Variants in IL7 observed in about 807,000 individuals in gnomAD.
IL7 encodes the protein interleukin-7.
Under a neutral mutation model 21.6 loss-of-function variants are expected in IL7, and 3 were observed. The ratio of observed to expected loss-of-function variants is 0.14; its 90% CI spans 0.06 to 0.36. The LOEUF (loss-of-function observed/expected upper bound fraction) is 0.36, where lower values mean the gene tolerates loss of function less well. Ranked by LOEUF, IL7 falls within the 10% of genes least tolerant of loss-of-function variation. The pLI, the probability that IL7 is intolerant of heterozygous loss-of-function variation, is 1.00. For synonymous variants in IL7, 62 were observed against 68.1 expected (o/e 0.91, Z 0.44); for missense variants, 175 against 200.2 (o/e 0.87, Z 0.76).
intron 2 of IL7, among the ~76,000 whole-genome samples, chr8:78,747,994 T>C (rs1376826553): frequency 6.6e-6 from 1 of 152,150 alleles, no homozygotes; most frequent in African/African-American, 2.4e-5. Flanking sequence ...ATAGTATAGG[T>C]GACTACTTTG....
intron 2 of IL7, among the ~76,000 whole-genome samples, chr8:78,752,751 C>G (rs953772728): frequency 6.6e-6 from 1 of 152,118 alleles, no homozygotes; most frequent in Non-Finnish European, 1.5e-5. Context: ...CCTTGTCCCC[C>G]ACCCTGCGAC....
intron 4 of IL7, among the ~76,000 whole-genome samples, chr8:78,682,851 T>C (rs1809833131): frequency 6.6e-6 from 1 of 152,098 alleles, no homozygotes; most frequent in Non-Finnish European, 1.5e-5. Flanking sequence ...CTAGATACAA[T>C]AGGGATACAG....
chr8:78,711,527 A>T (rs1810949399), intron 3 of IL7, among the ~76,000 whole-genome samples: 1 of 152,108 alleles, frequency 6.6e-6, no homozygotes. Flanking sequence ...TTAGAAAGTC[A>T]AATGGAGTAC....
rs1040362528 is a variant in IL7 at position 78,700,213 on chromosome 8, A to T, written n.215-14266T>A. Among the ~76,000 whole-genome samples, 4 of 152,266 alleles carry T rather than the reference A, an allele frequency of 2.6e-5. No homozygotes were observed. The East Asian group carries it at 5.8e-4, about 22-fold the overall frequency. On this transcript the variant is annotated intron_variant and non_coding_transcript_variant, in intron 3 of 4. Transcript: ENST00000523959. ...GGTTTTGATTTGCGTTTCTCTAATGATCAGTGATGTTGAGCTTTTTTTCAT... is the reference window on the plus strand; with the variant it reads ...GGTTTTGATTTGCGTTTCTCTAATGTTCAGTGATGTTGAGCTTTTTTTCAT...
rs114005149 is a variant in IL7, at chr8:78,682,423, G to A, written n.273+3466C>T. On this transcript the variant is annotated intron_variant and non_coding_transcript_variant, in intron 4 of 4. Transcript: ENST00000523959. ...AGGAGGCCTCACATCATGGTGGAAG[G>A]TGAAGAAGGAACAAAGTCACATCTT... Among the ~76,000 whole-genome samples the A allele has an allele frequency of 8.7e-3, 1,324 of 152,256 alleles. 17 individuals are homozygous for A. Among genetic ancestry groups the A allele is most frequent in the African/African-American group, 0.031 (1,267 of 41,494 alleles).
intron 2 of IL7, among the ~76,000 whole-genome samples, chr8:78,796,307 A>G (rs1174085968): frequency 6.6e-6 from 1 of 152,022 alleles, no homozygotes; most frequent in East Asian, 1.9e-4. Flanking sequence ...AATTAGAAAC[A>G]CACCATTTAA....
intron 2 of IL7, among the ~76,000 whole-genome samples, chr8:78,796,270 T>C (rs1280520213): frequency 6.6e-6 from 1 of 151,978 alleles, no homozygotes; most frequent in Non-Finnish European, 1.5e-5. Flanking sequence ...CTTTCCTATG[T>C]ACCAGCAATA....
At chr8:78,716,386 G>T (rs1439348888), downstream of IL7, among the ~76,000 whole-genome samples, 4 of 152,144 alleles carry the variant, frequency 2.6e-5, no homozygotes, top group Admixed American at 2.6e-4. Flanking sequence ...GCCTCCCAAA[G>T]TGCTGGGATT....
At chr8:78,735,338 A>T (rs1337611095) in intron 5 of IL7, among the ~76,000 whole-genome samples, 4 of 113,886 alleles carry the variant, frequency 3.5e-5, no homozygotes, top group Admixed American at 1.2e-4. Flanking sequence ...TTTGAGACGG[A>T]GTCCCACTCT....
intron 2 of IL7, chr8:78,760,875 G>A (rs1427806558): frequency 1.9e-6 from 3 of 1,563,688 alleles, no homozygotes; most frequent in Non-Finnish European, 1.7e-6. Flanking sequence ...AGTGAATGCA[G>A]TACTGCAGTC....
Position 78,686,521 on chromosome 8 carries a change from G to A in IL7, n.215-574C>T, listed in dbSNP as rs780566556. 4 of 1,550,400 alleles carry A rather than the reference G, an allele frequency of 2.6e-6. No homozygotes were observed. In the South Asian group the frequency reaches 3.9e-5, roughly 15 times the overall value. On this transcript the variant is annotated intron_variant and non_coding_transcript_variant, in intron 3 of 4. Transcript: ENST00000523959. ...GAGAAGGAAACATGAAGAATTCATT[G>A]CTACCATAAGAGCAGCTAAAGGCCT...
At chr8:78,686,527 A>G (rs1472138074) in intron 3 of IL7, 4 of 1,556,174 alleles carry the variant, frequency 2.6e-6, no homozygotes, top group East Asian at 2.4e-5. Context: ...CATTGCTACC[A>G]TAAGAGCAGC....
At chr8:78,741,400 A>G (rs1811774134) in intron 2 of IL7, among the ~76,000 whole-genome samples, 1 of 152,160 alleles carries the variant, frequency 6.6e-6, no homozygotes, top group African/African-American at 2.4e-5. Context: ...TAACTCATAC[A>G]TAATTTTTTC....
At chr8:78,698,378 A>T in intron 3 of IL7, 3 of 1,522,878 alleles carry the variant, frequency 2.0e-6, no homozygotes, top group Non-Finnish European at 2.7e-6. Flanking sequence ...AACCTTTTTT[A>T]GAGTATTGTT....
At chr8:78,712,449 A>G (rs1342968932) in intron 3 of IL7, among the ~76,000 whole-genome samples, 2 of 152,116 alleles carry the variant, frequency 1.3e-5, no homozygotes. Context: ...AGAGTTTGAG[A>G]AAAATAATGT....
At chr8:78,735,636 T>A (rs1348068024) in intron 5 of IL7, among the ~76,000 whole-genome samples, 24 of 152,110 alleles carry the variant, frequency 1.6e-4, no homozygotes, top group Admixed American at 1.4e-3. Flanking sequence ...CAAATTCTCT[T>A]AGTGAAAAGC....
At chr8:78,740,195 G>A in intron 2 of IL7, 113 bp from the exon 3 acceptor site, 1 of 629,718 alleles carries the variant, frequency 1.6e-6, no homozygotes, top group Non-Finnish European at 2.2e-6. Flanking sequence ...GCATTTTAAG[G>A]AAAATAAGTT....
intron 2 of IL7, among the ~76,000 whole-genome samples, chr8:78,763,095 G>A (rs1483696561): frequency 6.6e-6 from 1 of 152,164 alleles, no homozygotes; most frequent in Non-Finnish European, 1.5e-5. Flanking sequence ...AAATTATGGT[G>A]AGGTGCACCT....
At chr8:78,767,101 C>T (rs1812779000) in intron 2 of IL7, among the ~76,000 whole-genome samples, 1 of 151,958 alleles carries the variant, frequency 6.6e-6, no homozygotes, top group Non-Finnish European at 1.5e-5. Flanking sequence ...TTCTTATCCA[C>T]TTTCTTATAA....
Sources: gnomAD v4.1 joint callset for allele counts (sites outside exome capture counted in the v4.1 genomes callset) on GRCh38, gnomAD v4.1.1 for gene constraint, MANE v1.5 for transcripts, NCBI Gene and HGNC (gene_info 2026-07-23, HGNC 2026-07-21) for gene names.